REDIC1: variants seen among roughly 807,000 people sequenced by gnomAD.
REDIC1 encodes the protein HEI10 Interacting Protein 1.
chr12:39,826,455 G>GT, the REDIC1 span, among the ~76,000 whole-genome samples: 7,030 of 137,356 alleles, frequency 0.051, 458 homozygotes, highest in African/African-American at 0.16. Context: ...ATTTTTCTGG[G>GT]TTTTTTTTTT....
chr12:39,830,022 GT>G, the REDIC1 span: 5 of 1,564,186 alleles, frequency 3.2e-6, no homozygotes, highest in Non-Finnish European at 3.5e-6. Context: ...ACTGCTATAA[GT>G]GCAAGCACTC....
At chr12:39,647,898 A>T in the REDIC1 span, 12 of 1,607,388 alleles carry the variant, frequency 7.5e-6, no homozygotes, top group Non-Finnish European at 1.0e-5. Context: ...TCTAACAGAC[A>T]TATTTCAAAA....
the REDIC1 span, among the ~76,000 whole-genome samples, chr12:39,674,789 G>A: frequency 1.6e-4 from 24 of 152,190 alleles, no homozygotes; most frequent in Non-Finnish European, 2.9e-4. Flanking sequence ...TCTCTCACAG[G>A]GGTCCTTGGG....
chr12:39,817,627 T>G, the REDIC1 span, among the ~76,000 whole-genome samples: 3 of 152,210 alleles, frequency 2.0e-5, no homozygotes, highest in Admixed American at 2.0e-4. Flanking sequence ...ACGAAAAAGT[T>G]AGCTGTACAC....
the REDIC1 span, among the ~76,000 whole-genome samples, chr12:39,851,189 C>T: frequency 0.019 from 2,914 of 152,158 alleles, 97 homozygotes; most frequent in African/African-American, 0.067. Context: ...CATGAGTCAC[C>T]GTGTCCAGCC....
At chr12:39,836,927 C>T in the REDIC1 span, among the ~76,000 whole-genome samples, 40 of 28,818 alleles carry the variant, frequency 1.4e-3, no homozygotes, top group East Asian at 0.027. Context: ...AGGTAATTTA[C>T]AGATTCAATG....
the REDIC1 span, among the ~76,000 whole-genome samples, chr12:39,713,789 A>T: frequency 6.7e-6 from 1 of 149,120 alleles, no homozygotes; most frequent in African/African-American, 2.4e-5. Context: ...GTAAATATAC[A>T]TAGATGTATA....
the REDIC1 span, among the ~76,000 whole-genome samples, chr12:39,804,534 T>TTAACTTA: frequency 2.0e-5 from 3 of 152,186 alleles, no homozygotes; most frequent in Non-Finnish European, 4.4e-5. Context: ...TATTCCCTGA[T>TTAACTTA]TTCTTAGCTT....
At chr12:39,639,240 T>A in the REDIC1 span, among the ~76,000 whole-genome samples, 1 of 151,932 alleles carries the variant, frequency 6.6e-6, no homozygotes, top group Non-Finnish European at 1.5e-5. Flanking sequence ...GCAGTACACT[T>A]ATGATGCTGC....
the REDIC1 span, among the ~76,000 whole-genome samples, chr12:39,838,517 AAAAG>A: frequency 1.3e-5 from 2 of 151,042 alleles, no homozygotes; most frequent in Non-Finnish European, 3.0e-5. Context: ...AAAAAAAAAA[AAAAG>A]AAAGGGAGAA....
At chr12:39,729,289 G>C in the REDIC1 span, among the ~76,000 whole-genome samples, 8 of 152,024 alleles carry the variant, frequency 5.3e-5, no homozygotes, top group African/African-American at 1.9e-4. Context: ...TTCTCCTGTG[G>C]GCATTTAGTA....
At chr12:39,789,053 C>T in the REDIC1 span, among the ~76,000 whole-genome samples, 1 of 152,054 alleles carries the variant, frequency 6.6e-6, no homozygotes, top group East Asian at 1.9e-4. Flanking sequence ...TCTATGTACA[C>T]TTTAAAGAAT....
At chr12:39,709,138 A>C in the REDIC1 span, among the ~76,000 whole-genome samples, 2 of 151,100 alleles carry the variant, frequency 1.3e-5, no homozygotes, top group Admixed American at 1.3e-4. Context: ...CTGATACCCA[A>C]ACACACACAC....
At chr12:39,667,960 C>G in the REDIC1 span, among the ~76,000 whole-genome samples, 254 of 152,186 alleles carry the variant, frequency 1.7e-3, no homozygotes, top group African/African-American at 5.6e-3. Flanking sequence ...CTATGTGTGT[C>G]TCTGCGGGTG....
the REDIC1 span, among the ~76,000 whole-genome samples, chr12:39,824,515 C>G: frequency 6.6e-6 from 1 of 152,160 alleles, no homozygotes; most frequent in Non-Finnish European, 1.5e-5. Context: ...GTTACCAGGT[C>G]TTTCATTCAT....
At chr12:39,835,851 A>G in the REDIC1 span, 1 of 152,106 alleles carries the variant, frequency 6.6e-6, no homozygotes, top group African/African-American at 2.4e-5. Context: ...AGATGAATTG[A>G]CGTAAATATA....
chr12:39,783,698 C>G, the REDIC1 span, among the ~76,000 whole-genome samples: 3 of 152,140 alleles, frequency 2.0e-5, no homozygotes, highest in African/African-American at 7.2e-5. Flanking sequence ...ATATCCTTTG[C>G]CCACTTTTTG....
At chr12:39,827,540 C>T in the REDIC1 span, among the ~76,000 whole-genome samples, 12 of 152,218 alleles carry the variant, frequency 7.9e-5, no homozygotes, top group Admixed American at 1.3e-4. Flanking sequence ...TCTTTTGTGA[C>T]GCTTGGGGAT....
chr12:39,887,026 C>T, the REDIC1 span, among the ~76,000 whole-genome samples: 1 of 152,242 alleles, frequency 6.6e-6, no homozygotes, highest in Admixed American at 6.5e-5. Flanking sequence ...AACAGAATAG[C>T]TCTACAGTCC....
Sources: allele counts gnomAD v4.1 joint callset (sites outside exome capture counted in the v4.1 genomes callset), GRCh38; gene constraint gnomAD v4.1.1; transcripts MANE v1.5; gene names NCBI Gene and HGNC (gene_info 2026-07-23, HGNC 2026-07-21).